The following SLC7A6OS variants were observed in gnomAD, a reference collection of about 807,000 sequenced individuals.
The protein encoded by SLC7A6OS is probable RNA polymerase II nuclear localization protein SLC7A6OS.
SLC7A6OS carries 22 observed loss-of-function variants against 34.3 expected under a neutral mutation model. That is an observed-to-expected ratio of 0.64 (90% CI 0.46 to 0.92). The LOEUF is 0.92. Ranked by LOEUF, SLC7A6OS falls within the 40% of genes least tolerant of loss-of-function variation. The probability of loss-of-function intolerance (pLI) is 0.00; values close to 1 mark genes in which losing one functional copy is unlikely to be tolerated. For synonymous variants in SLC7A6OS, 199 were observed against 165.0 expected, an observed-to-expected ratio of 1.21 and a Z score of -1.58; for missense variants, 434 against 407.7, an observed-to-expected ratio of 1.06 and a Z score of -0.56.
intron 2 of SLC7A6OS, among the ~76,000 whole-genome samples, chr16:68,308,106 T>C (rs1026920903): frequency 3.5e-4 from 53 of 152,032 alleles, no homozygotes; most frequent in Admixed American, 2.2e-3. Flanking sequence ...TTTGCCATAT[T>C]GGCCAGGCTG....
At position 68,300,563 on chromosome 16, in the gene SLC7A6OS, C is replaced by G. The variant is rs146811969; in HGVS notation, c.*712G>C. 2.1e-6 allele frequency: 2 copies of G among 947,516 alleles called. No individual in the cohort carries two copies. The highest frequency in any genetic ancestry group is 6.2e-5 in the Admixed American group (1 of 16,204). The allele number at this position is 947,516 out of a possible 1,614,324, so 58.7% of individuals were successfully genotyped here. A position where few individuals can be genotyped will look rare whatever the true frequency, so the allele number is the denominator to read the frequency against. On this transcript the variant is annotated 3_prime_UTR_variant, in exon 5 of 5. Transcript: ENST00000263997. Reference sequence around the variant, plus strand: ...AATGCTGAACCTTCTATTTCACTACCGCTCCCTGTTTTAGATATTCAGATT... The same window carrying G: ...AATGCTGAACCTTCTATTTCACTACGGCTCCCTGTTTTAGATATTCAGATT...
chr16:68,310,589 G>A lies in SLC7A6OS; in HGVS notation c.217C>T (p.Arg73Trp). 2 of 1,595,122 alleles carry A rather than the reference G, an allele frequency of 1.3e-6. No homozygotes were observed. The highest frequency in any genetic ancestry group is 1.1e-5 in the South Asian group (1 of 89,782). Residue 73 changes from arginine (R) to tryptophan (W), a missense_variant, in exon 2 of 5, where the codon CGG (arginine) becomes TGG (tryptophan). By Grantham distance (101) the Arg-to-Trp change is moderately radical. Coordinates refer to ENST00000263997, the MANE Select transcript of SLC7A6OS (RefSeq NM_032178.3). Reference sequence around the variant, plus strand: ...TCCCGTGACGGGCGCAGAACTTCCCGCAGGAGAGGCTGGACTGGTTCCTCC... The same window carrying A: ...TCCCGTGACGGGCGCAGAACTTCCCACAGGAGAGGCTGGACTGGTTCCTCC... ...SQEEPVQPLL[R>W]EVLRPSRDSQ...
chr16:68,301,026 C>A lies in SLC7A6OS; in HGVS notation c.*249G>T. On this transcript the variant is annotated 3_prime_UTR_variant, in exon 5 of 5. Coordinates refer to ENST00000263997, the MANE Select transcript of SLC7A6OS (RefSeq NM_032178.3). ...GCTAAAGAAACCTTCCTTTTTTCAA[C>A]GTTTTTTTTTCTTTCAAACTGTAGG... 3.5e-6 allele frequency: 4 copies of A among 1,151,918 alleles called. No homozygotes were observed. The highest frequency in any genetic ancestry group is 4.3e-6 in the Non-Finnish European group (4 of 937,912). 71.4% of individuals were successfully genotyped at this position (1,151,918 alleles called of 1,614,324 possible).
At chr16:68,303,930 A>T (rs1459598286) in intron 3 of SLC7A6OS, 96 bp downstream of exon 3, 1 of 1,111,636 alleles carries the variant, frequency 9.0e-7, no homozygotes, top group East Asian at 2.4e-5. Context: ...ACTAAGGACA[A>T]TGTTGTTCGG....
rs777315671 is a variant in SLC7A6OS, at chr16:68,310,363, G to C, written c.443C>G (p.Pro148Arg). 6 of 1,608,712 alleles carry C rather than the reference G, an allele frequency of 3.7e-6. No individual in the cohort carries two copies. Among genetic ancestry groups the C allele is most frequent in the Non-Finnish European group, 4.3e-6 (5 of 1,176,206 alleles). ...GCAGGAGCCTGCAGAGGCGGCTTCAGGTTCTCCCTCCTCGTGGACAAGGTC... is the reference window on the plus strand; with the variant it reads ...GCAGGAGCCTGCAGAGGCGGCTTCACGTTCTCCCTCCTCGTGGACAAGGTC... ...LLDLVHEEGE[P>R]EAASAGSCKT... is the part of the protein sequence containing the mutation. Residue 148 changes from proline to arginine, a missense_variant, in exon 2 of 5, where the codon CCT becomes CGT. Transcript: ENST00000263997.
Position 68,300,504 on chromosome 16 carries a change from C to G in SLC7A6OS, c.*771G>C. 1.7e-6 allele frequency: 1 copy of G among 601,646 alleles called. No individual in the cohort carries two copies. The highest frequency in any genetic ancestry group is 2.1e-6 in the Non-Finnish European group (1 of 479,300). The allele number at this position is 601,646 out of a possible 1,614,324, so 37.3% of individuals were successfully genotyped here. A position where few individuals can be genotyped will look rare whatever the true frequency, so the allele number is the denominator to read the frequency against. On this transcript the variant is annotated 3_prime_UTR_variant, in exon 5 of 5. Transcript: ENST00000263997. ...TAAGTTCAGAAGGTACTTTGTTTTT[C>G]CTCCCTTGCCTTAAGTCCTTGGTAT...
chr16:68,303,513 A>G (rs560095289), intron 3 of SLC7A6OS, among the ~76,000 whole-genome samples: 1 of 148,416 alleles, frequency 6.7e-6, no homozygotes, highest in South Asian at 2.2e-4. Context: ...AGCCTGGGAG[A>G]TAGAGGCTGC....
chr16:68,300,564 G>T lies in SLC7A6OS; in HGVS notation c.*711C>A. On this transcript the variant is annotated 3_prime_UTR_variant, in exon 5 of 5. Transcript: ENST00000263997. The stretch of plus-strand genomic sequence containing the variant: ...ATGCTGAACCTTCTATTTCACTACC[G>T]CTCCCTGTTTTAGATATTCAGATTT... The T allele has an allele frequency of 1.1e-6, 1 of 944,946 alleles. No homozygotes were observed. Among genetic ancestry groups the T allele is most frequent in the Non-Finnish European group, 1.3e-6 (1 of 793,228 alleles). 58.5% of individuals were successfully genotyped at this position (944,946 alleles called of 1,614,324 possible).
chr16:68,301,712 T>C (rs568976532), intron 4 of SLC7A6OS: 1 of 200,322 alleles, frequency 5.0e-6, no homozygotes. Context: ...TAAATATTTT[T>C]GTACCTTTCT....
Position 68,301,226 on chromosome 16 carries a change from C to CA in SLC7A6OS, c.*48dup, listed in dbSNP as rs1481933271. ...TCAGCAGGGCAGTTAACTCTGGACT[C>CA]AGAGCCCTCAAGGGCATGTGGCAGA... On this transcript the variant is annotated 3_prime_UTR_variant, in exon 5 of 5. Transcript: ENST00000263997. 2 of 1,589,414 alleles carry CA rather than the reference C, an allele frequency of 1.3e-6. No individual in the cohort carries two copies. The highest frequency in any genetic ancestry group is 4.6e-5 in the East Asian group (2 of 43,796).
rs1042688711 is a variant in SLC7A6OS, at chr16:68,300,800, A to G, written c.*475T>C. 1.0e-6 allele frequency: 1 copy of G among 985,562 alleles called. No individual in the cohort carries two copies. Among genetic ancestry groups the G allele is most frequent in the African/African-American group, 1.7e-5 (1 of 57,234 alleles). The allele number at this position is 985,562 out of a possible 1,614,324, so 61.1% of individuals were successfully genotyped here. A position where few individuals can be genotyped will look rare whatever the true frequency, so the allele number is the denominator to read the frequency against. ...ACTTTCTGCCCTAATGGCCATTACT[A>G]TCCAGTCTGTATTGCTACAAGGGAC... is the stretch of plus-strand genomic sequence containing the variant. On this transcript the variant is annotated 3_prime_UTR_variant, in exon 5 of 5. Coordinates refer to ENST00000263997, the MANE Select transcript of SLC7A6OS (RefSeq NM_032178.3).
chr16:68,301,206 A>C lies in SLC7A6OS; in HGVS notation c.*69T>G, dbSNP rs1244541813. On this transcript the variant is annotated 3_prime_UTR_variant, in exon 5 of 5. Transcript: ENST00000263997. ...CTAGGAAACCTAACAGGATGTCAGC[A>C]GGGCAGTTAACTCTGGACTCAGAGC... 4.5e-6 allele frequency: 7 copies of C among 1,560,040 alleles called. No individual in the cohort carries two copies. In the Admixed American group the frequency reaches 1.1e-4, roughly 24 times the overall value.
At chr16:68,308,353 C>T (rs1174519912) in intron 2 of SLC7A6OS, among the ~76,000 whole-genome samples, 1 of 151,878 alleles carries the variant, frequency 6.6e-6, no homozygotes, top group Non-Finnish European at 1.5e-5. Context: ...ACCAGCTGGA[C>T]GTGGTGGCTC....
chr16:68,309,757 C>T (rs545876310), intron 2 of SLC7A6OS, among the ~76,000 whole-genome samples: 22 of 152,276 alleles, frequency 1.4e-4, no homozygotes, highest in Admixed American at 7.2e-4. Flanking sequence ...TATTTTGCTC[C>T]AGTGATCCCC....
rs981349076 is a variant in SLC7A6OS at position 68,304,329 on chromosome 16, A to G, written c.472-97T>C. On this transcript the variant is annotated intron_variant, in intron 2 of 4. Transcript: ENST00000263997. ...AGTTGGGTGAAGGAAGGCTCCCTAC[A>G]GTTTTTTTTGAGACGGAGTCTCACT... 75 of 1,146,556 alleles carry G rather than the reference A, an allele frequency of 6.5e-5. No homozygotes were observed. The African/African-American group carries it at 7.2e-4, about 11-fold the overall frequency. 71.0% of individuals were successfully genotyped at this position (1,146,556 alleles called of 1,614,324 possible).
intron 2 of SLC7A6OS, among the ~76,000 whole-genome samples, chr16:68,305,015 A>T (rs1268916310): frequency 2.0e-5 from 3 of 152,146 alleles, no homozygotes; most frequent in Non-Finnish European, 4.4e-5. Flanking sequence ...ATTAAGACTT[A>T]TCTCAAAACA....
chr16:68,306,546 ATG>A (rs2043327883), intron 2 of SLC7A6OS, among the ~76,000 whole-genome samples: 3 of 151,904 alleles, frequency 2.0e-5, no homozygotes, highest in Non-Finnish European at 4.4e-5. Flanking sequence ...GGTTTTCATT[ATG>A]TTGCCCAAAC....
chr16:68,304,396 C>T (rs2043311247), intron 2 of SLC7A6OS, among the ~76,000 whole-genome samples, 164 bp from the exon 3 acceptor site: 2 of 152,192 alleles, frequency 1.3e-5, no homozygotes, highest in African/African-American at 2.4e-5. Context: ...TCTTGGCTCA[C>T]TGCAACCTCC....
intron 4 of SLC7A6OS, 122 bp downstream of exon 4, chr16:68,302,259 G>T: frequency 8.5e-7 from 1 of 1,172,736 alleles, no homozygotes. Flanking sequence ...TGGCTCAGTT[G>T]CGGCTGGGCT....
Sources: allele counts gnomAD v4.1 joint callset (sites outside exome capture counted in the v4.1 genomes callset), GRCh38; gene constraint gnomAD v4.1.1; transcripts MANE v1.5; gene names NCBI Gene and HGNC (gene_info 2026-07-23, HGNC 2026-07-21).